The following CCL13 variants were observed in gnomAD, a reference collection of about 807,000 sequenced individuals.
CCL13 encodes the protein C-C motif chemokine 13.
Under a neutral mutation model 6.6 loss-of-function variants are expected in CCL13, and 5 were observed. That is an observed-to-expected ratio of 0.76 (90% CI 0.40 to 1.60). The LOEUF is 1.60. Among genes scored for constraint, CCL13 ranks in the 40% most tolerant of loss-of-function variants. CCL13 has a pLI of 0.02. For missense variants in CCL13, 117 were observed against 114.2 expected, an observed-to-expected ratio of 1.02 and a Z score of -0.11; for synonymous variants, 39 against 43.0, an observed-to-expected ratio of 0.91 and a Z score of 0.37.
chr17:34,357,437 C>A, intron 1 of CCL13, 38 bp from the exon 2 acceptor site: 2 of 1,375,348 alleles, frequency 1.5e-6, no homozygotes, highest in Non-Finnish European at 2.1e-6. Context: ...AAAAGCCTAA[C>A]ACATCCTCAA....
rs1910405108 is a variant in CCL13, at chr17:34,358,202, T to C, written c.*71T>C. On this transcript the variant is annotated 3_prime_UTR_variant, in exon 3 of 3. Coordinates refer to ENST00000225844, the MANE Select transcript of CCL13 (RefSeq NM_005408.3). Reference sequence around the variant, plus strand: ...TTTTCCATTCTCCTCTGGCCTCCTCTTCTATGCTTTGGAATACTTCTACCA... The same window carrying C: ...TTTTCCATTCTCCTCTGGCCTCCTCCTCTATGCTTTGGAATACTTCTACCA... 2.0e-6 allele frequency: 2 copies of C among 1,001,808 alleles called. No homozygotes were observed. Among genetic ancestry groups the C allele is most frequent in the African/African-American group, 1.6e-5 (1 of 62,532 alleles). The allele number at this position is 1,001,808 out of a possible 1,614,324, so 62.1% of individuals were successfully genotyped here.
At chr17:34,356,824 G>A (rs146837190) in intron 1 of CCL13, among the ~76,000 whole-genome samples, 6 of 152,222 alleles carry the variant, frequency 3.9e-5, no homozygotes, top group East Asian at 1.9e-4. Context: ...ACAGGCACCC[G>A]CCATCACGTG....
chr17:34,357,688 T>A (rs529361931), intron 2 of CCL13, 99 bp downstream of exon 2: 1 of 773,864 alleles, frequency 1.3e-6, no homozygotes, highest in East Asian at 2.5e-5. Context: ...TGACTTGAGA[T>A]CTTAGGATGA....
chr17:34,358,209 C>T lies in CCL13; in HGVS notation c.*78C>T. On this transcript the variant is annotated 3_prime_UTR_variant, in exon 3 of 3. Coordinates refer to ENST00000225844, the MANE Select transcript of CCL13 (RefSeq NM_005408.3). Reference sequence around the variant, plus strand: ...TTCTCCTCTGGCCTCCTCTTCTATGCTTTGGAATACTTCTACCATAATTTT... The same window carrying T: ...TTCTCCTCTGGCCTCCTCTTCTATGTTTTGGAATACTTCTACCATAATTTT... 1.1e-6 allele frequency: 1 copy of T among 893,202 alleles called. No individual in the cohort carries two copies. Among genetic ancestry groups the T allele is most frequent in the Non-Finnish European group, 1.8e-6 (1 of 550,776 alleles). The allele number at this position is 893,202 out of a possible 1,614,324, so 55.3% of individuals were successfully genotyped here.
Position 34,358,452 on chromosome 17 carries a change from A to T in CCL13, c.*321A>T. The T allele has an allele frequency of 2.9e-6, 1 of 350,656 alleles. No individual in the cohort carries two copies. The highest frequency in any genetic ancestry group is 5.3e-6 in the Non-Finnish European group (1 of 190,346). 21.7% of individuals were successfully genotyped at this position (350,656 alleles called of 1,614,324 possible). A position where few individuals can be genotyped will look rare whatever the true frequency, so the allele number is the denominator to read the frequency against. On this transcript the variant is annotated 3_prime_UTR_variant, in exon 3 of 3. Transcript: ENST00000225844. The stretch of plus-strand genomic sequence containing the variant: ...TATTCGGTTCCCAGGGGTTGAGAGC[A>T]TGCCTGTGGGAGTCATGGACATGAA...
Position 34,357,514 on chromosome 17 carries a change from G to A in CCL13, c.116G>A (p.Ser39Asn), listed in dbSNP as rs1910380937. The A allele has an allele frequency of 1.2e-6, 2 of 1,613,228 alleles. No individual in the cohort carries two copies. Among genetic ancestry groups the A allele is most frequent in the South Asian group, 1.1e-5 (1 of 91,036 alleles). Residue 39 changes from serine (S) to asparagine (N), a missense_variant, in exon 2 of 3, where the codon AGC becomes AAC. Ser to Asn is a conservative substitution (Grantham distance 46). Coordinates refer to ENST00000225844, the MANE Select transcript of CCL13 (RefSeq NM_005408.3). Reference protein sequence around the residue: ...NVPSTCCFTFSSKKISLQRLK... With the variant: ...NVPSTCCFTFNSKKISLQRLK... ...CCATCTACTTGCTGCTTCACATTTA[G>A]CAGTAAGAAGATCTCCTTGCAGAGG...
chr17:34,356,777 C>A (rs544890091), intron 1 of CCL13, among the ~76,000 whole-genome samples, 175 bp downstream of exon 1: 1 of 152,228 alleles, frequency 6.6e-6, no homozygotes, highest in East Asian at 1.9e-4. Flanking sequence ...CAGGTTCAAG[C>A]GATTCTCTTG....
chr17:34,356,634 T>C, intron 1 of CCL13, 32 bp downstream of exon 1: 1 of 1,473,762 alleles, frequency 6.8e-7, no homozygotes, highest in Non-Finnish European at 9.5e-7. Flanking sequence ...CTCCCTCTCT[T>C]TCCCTCTGTT....
Position 34,356,585 on chromosome 17 carries a change from A to T in CCL13, c.59A>T (p.Gln20Leu). ...CTCATGACAGCAGCTTTCAACCCCC[A>T]GGGACTTGCTCAGCCAGGTAAGTCA... ...LLLMTAAFNP[Q>L]GLAQPDALNV... Residue 20 changes from glutamine to leucine, a missense_variant, in exon 1 of 3, where the codon CAG (glutamine) becomes CTG (leucine). Coordinates refer to ENST00000225844, the MANE Select transcript of CCL13 (RefSeq NM_005408.3). 6.2e-7 allele frequency: 1 copy of T among 1,612,846 alleles called. No homozygotes were observed. Among genetic ancestry groups the T allele is most frequent in the Non-Finnish European group, 8.5e-7 (1 of 1,178,958 alleles).
In CCL13 at chr17:34,357,454, TTTC is replaced by T; in HGVS notation, c.77-18_77-16del. ...AAGCCTAACACATCCTCAAAGTCTTTTTCTTTGTAACTATTTCTAGATGCACTC... is the reference window on the plus strand; with the variant it reads ...AAGCCTAACACATCCTCAAAGTCTTTTTTGTAACTATTTCTAGATGCACTC... On this transcript the variant is annotated intron_variant, in intron 1 of 2. Transcript: ENST00000225844. The T allele has an allele frequency of 6.5e-7, 1 of 1,542,184 alleles. No homozygotes were observed.
Position 34,358,146 on chromosome 17 carries a change from A to G in CCL13, c.*15A>G. The G allele has an allele frequency of 1.9e-6, 3 of 1,567,042 alleles. No homozygotes were observed. Among genetic ancestry groups the G allele is most frequent in the East Asian group, 2.2e-5 (1 of 44,640 alleles). ...TGAAGACTTGAACTCTGCTACCCCT[A>G]CTGAAATCAAGCTGGAGTACGTGAA... On this transcript the variant is annotated 3_prime_UTR_variant, in exon 3 of 3. Coordinates refer to ENST00000225844, the MANE Select transcript of CCL13 (RefSeq NM_005408.3).
At chr17:34,357,339 G>C in intron 1 of CCL13, 136 bp from the exon 2 acceptor site, 1 of 606,804 alleles carries the variant, frequency 1.6e-6, no homozygotes, top group Admixed American at 2.7e-5. Context: ...TCTAGGGTGG[G>C]AGTGCTGGGC....
intron 1 of CCL13, among the ~76,000 whole-genome samples, chr17:34,356,886 G>T (rs1428753482): frequency 6.6e-6 from 1 of 152,142 alleles, no homozygotes; most frequent in African/African-American, 2.4e-5. Flanking sequence ...TGTTGGCCAG[G>T]CTGGTCTCAA....
chr17:34,357,588 A>G lies in CCL13; in HGVS notation c.190A>G (p.Ile64Val), dbSNP rs773586979. ...CAGCAGGTGTCCCCAGAAGGCTGTC[A>G]TGTGGGTAGAAAAATCCCTGCTCAC... ...TTSRCPQKAVIFRTKLGKEIC... is the reference protein window; with the variant it reads ...TTSRCPQKAVVFRTKLGKEIC... Residue 64 changes from isoleucine (I) to valine (V), a missense_variant and splice_region_variant, in exon 2 of 3, where the codon ATC (isoleucine) becomes GTC (valine). Coordinates refer to ENST00000225844, the MANE Select transcript of CCL13 (RefSeq NM_005408.3). 1.3e-6 allele frequency: 2 copies of G among 1,593,596 alleles called. No individual in the cohort carries two copies.
chr17:34,357,938 C>T, intron 2 of CCL13, 88 bp from the exon 3 acceptor site: 1 of 872,996 alleles, frequency 1.1e-6, no homozygotes, highest in Admixed American at 2.4e-5. Flanking sequence ...AGTAGGTGGA[C>T]CAGGCAGGTT....
At chr17:34,357,347 G>T in intron 1 of CCL13, 128 bp from the exon 2 acceptor site, 2 of 634,132 alleles carry the variant, frequency 3.2e-6, no homozygotes, top group Middle Eastern at 2.7e-4. Context: ...GGGAGTGCTG[G>T]GCTTGGGGGT....
At position 34,357,574 on chromosome 17, in the gene CCL13, C is replaced by T. The variant is rs564838885; in HGVS notation, c.176C>T (p.Pro59Leu). 1 of 1,608,356 alleles carries T rather than the reference C, an allele frequency of 6.2e-7. No homozygotes were observed. The highest frequency in any genetic ancestry group is 1.3e-5 in the African/African-American group (1 of 74,930). The change falls in exon 2 of 3, where the codon CCC (proline) becomes CTC (leucine). Residue 59 changes from proline to leucine, a missense_variant. Transcript: ENST00000225844. ...KSYVITTSRC[P>L]QKAVIFRTKL... ...TATGTGATCACCACCAGCAGGTGTC[C>T]CCAGAAGGCTGTCATGTGGGTAGAA...
At chr17:34,357,888 C>A in intron 2 of CCL13, 138 bp from the exon 3 acceptor site, 3 of 625,872 alleles carry the variant, frequency 4.8e-6, no homozygotes, top group Non-Finnish European at 8.4e-6. Flanking sequence ...TGTCCACACA[C>A]CTCCTACTTC....
Position 34,358,240 on chromosome 17 carries a change from A to G in CCL13, c.*109A>G, listed in dbSNP as rs1910406302. 4.0e-6 allele frequency: 3 copies of G among 742,758 alleles called. No individual in the cohort carries two copies. Among genetic ancestry groups the G allele is most frequent in the African/African-American group, 1.8e-5 (1 of 56,398 alleles). 46.0% of individuals were successfully genotyped at this position (742,758 alleles called of 1,614,324 possible). On this transcript the variant is annotated 3_prime_UTR_variant, in exon 3 of 3. Transcript: ENST00000225844. ...AATACTTCTACCATAATTTTCAAAT[A>G]GGATGCATTCGGTTTTGTGATTCAA...
Sources: gnomAD v4.1 joint callset for allele counts (sites outside exome capture counted in the v4.1 genomes callset) on GRCh38, gnomAD v4.1.1 for gene constraint, MANE v1.5 for transcripts, NCBI Gene and HGNC (gene_info 2026-07-23, HGNC 2026-07-21) for gene names.